LRRFIP2: variants seen among roughly 807,000 people sequenced by gnomAD.
LRRFIP2 encodes the protein LRR binding FLII interacting protein 2, also known as leucine-rich repeat flightless-interacting protein 2.
Under a neutral mutation model 125.9 loss-of-function variants are expected in LRRFIP2, and 109 were observed. That is an observed-to-expected ratio of 0.87 (90% CI 0.74 to 1.01). LRRFIP2 has a LOEUF of 1.01. LRRFIP2 is among the 50% of genes least tolerant of loss of function. The pLI is 0.00. For synonymous variants in LRRFIP2, 291 were observed against 293.1 expected (o/e 0.99, Z 0.07); for missense variants, 850 against 862.3 (o/e 0.99, Z 0.18).
At chr3:37,124,572 T>C (rs2095201395) in intron 4 of LRRFIP2, among the ~76,000 whole-genome samples, 1 of 152,188 alleles carries the variant, frequency 6.6e-6, no homozygotes, top group South Asian at 2.1e-4. Flanking sequence ...TTAGAGATCA[T>C]CTAGTCTGAC....
At chr3:37,073,692 C>T (rs1344167350) in intron 20 of LRRFIP2, among the ~76,000 whole-genome samples, 1 of 152,080 alleles carries the variant, frequency 6.6e-6, no homozygotes, top group East Asian at 1.9e-4. Flanking sequence ...ATACCTAGCA[C>T]CCTAAGCTTT....
intron 24 of LRRFIP2, among the ~76,000 whole-genome samples, 190 bp from the exon 25 acceptor site, chr3:37,059,100 C>T (rs9872552): frequency 0.013 from 1,905 of 152,268 alleles, 43 homozygotes; most frequent in African/African-American, 0.043. Context: ...TACGAACAAA[C>T]ATCGAAAAGA....
chr3:37,104,484 C>A (rs573282345), intron 14 of LRRFIP2, among the ~76,000 whole-genome samples: 93 of 152,264 alleles, frequency 6.1e-4, no homozygotes, highest in African/African-American at 2.1e-3. Context: ...TGTATGGTAA[C>A]AAATCTCTCC....
chr3:37,136,795 C>A (rs909082198), intron 2 of LRRFIP2, among the ~76,000 whole-genome samples: 2 of 152,052 alleles, frequency 1.3e-5, no homozygotes, highest in African/African-American at 4.8e-5. Flanking sequence ...GATCCAATTA[C>A]AACTGTACTA....
intron 1 of LRRFIP2, among the ~76,000 whole-genome samples, chr3:37,155,984 C>T (rs1053301437): frequency 6.6e-6 from 1 of 152,136 alleles, no homozygotes; most frequent in Non-Finnish European, 1.5e-5. Flanking sequence ...AGGCGATTCT[C>T]CTGCCTCAGC....
intron 6 of LRRFIP2, among the ~76,000 whole-genome samples, chr3:37,120,702 A>G (rs1034578553): frequency 3.9e-5 from 6 of 152,150 alleles, no homozygotes; most frequent in African/African-American, 1.2e-4. Context: ...ATGAAAGATC[A>G]TTTTACTGAT....
intron 19 of LRRFIP2, among the ~76,000 whole-genome samples, chr3:37,081,062 T>A (rs921037182): frequency 1.3e-5 from 2 of 152,094 alleles, no homozygotes; most frequent in African/African-American, 4.8e-5. Context: ...AGAAGGAGGA[T>A]TGGGCAATAC....
At chr3:37,061,109 A>G (rs1481414579) in intron 24 of LRRFIP2, among the ~76,000 whole-genome samples, 1 of 151,824 alleles carries the variant, frequency 6.6e-6, no homozygotes, top group East Asian at 1.9e-4. Flanking sequence ...AGTGTATGTT[A>G]CCTCCCCACT....
intron 1 of LRRFIP2, among the ~76,000 whole-genome samples, chr3:37,171,685 TA>T: frequency 6.6e-6 from 1 of 152,226 alleles, no homozygotes; most frequent in Non-Finnish European, 1.5e-5. Context: ...AGGTTTATTT[TA>T]TTATGTATAG....
chr3:37,104,400 T>G lies in LRRFIP2; in HGVS notation c.783+1055A>C, dbSNP rs1169988593. ...GTTTTTAGGTGTTGTGGCATATTAT[T>G]TCTCCTTCAGTTGTGAGCGTGAGCA... On this transcript the variant is annotated intron_variant, in intron 14 of 27. Coordinates refer to ENST00000336686, the MANE Select transcript of LRRFIP2 (RefSeq NM_006309.4). 2.0e-5 allele frequency among the ~76,000 whole-genome samples: 3 copies of G among 152,190 alleles called. No individual in the cohort carries two copies. In the South Asian group the frequency reaches 6.2e-4, roughly 32 times the overall value.
chr3:37,136,890 G>A (rs1167253080), intron 2 of LRRFIP2, among the ~76,000 whole-genome samples: 5 of 141,220 alleles, frequency 3.5e-5, no homozygotes, highest in African/African-American at 1.3e-4. Context: ...AAACTATTCA[G>A]ATAATATATC....
At chr3:37,162,155 CAAAAAAAAAAA>C (rs71091697) in intron 1 of LRRFIP2, among the ~76,000 whole-genome samples, 1 of 74,006 alleles carries the variant, frequency 1.4e-5, no homozygotes, top group Non-Finnish European at 2.4e-5. Context: ...GACCCTGTCT[CAAAAAAAAAAA>C]AAAAAAAAAA....
intron 18 of LRRFIP2, 53 bp downstream of exon 18, chr3:37,091,414 G>GCCAA: frequency 6.9e-7 from 1 of 1,454,254 alleles, no homozygotes; most frequent in Non-Finnish European, 9.4e-7. Context: ...AGCCACCATT[G>GCCAA]CCAACACTTC....
At position 37,060,660 on chromosome 3, in the gene LRRFIP2, G is replaced by C. The variant is rs2088363656; in HGVS notation, c.1750-1750C>G. On this transcript the variant is annotated intron_variant, in intron 24 of 27. Transcript: ENST00000336686. The surrounding 1 kb of genome is among the most constrained non-coding windows in gnomAD (Gnocchi z 4.1). ...CACTGAATCTAGAAATGGAATAGGT[G>C]TCCTCTTGCTTTCCTTGCTGGTATT... 6.6e-6 allele frequency among the ~76,000 whole-genome samples: 1 copy of C among 151,650 alleles called. No individual in the cohort carries two copies. The highest frequency in any genetic ancestry group is 1.5e-5 in the Non-Finnish European group (1 of 67,920).
At chr3:37,056,909 T>C (rs895842605) in intron 25 of LRRFIP2, among the ~76,000 whole-genome samples, 5 of 152,206 alleles carry the variant, frequency 3.3e-5, no homozygotes, top group African/African-American at 1.2e-4. Flanking sequence ...TTCTTCCTTC[T>C]CACTCTCCAA....
chr3:37,061,136 C>G (rs534772915), intron 24 of LRRFIP2, among the ~76,000 whole-genome samples: 87 of 152,264 alleles, frequency 5.7e-4, no homozygotes, highest in African/African-American at 2.0e-3. Context: ...GGCTTCCGCT[C>G]GAGATATGAC....
chr3:37,131,039 T>A (rs988722188), intron 2 of LRRFIP2, among the ~76,000 whole-genome samples: 1 of 152,178 alleles, frequency 6.6e-6, no homozygotes. Context: ...GCATTACATT[T>A]GTAGGTGGAA....
At chr3:37,091,979 A>C (rs1466478494) in intron 17 of LRRFIP2, among the ~76,000 whole-genome samples, 4 of 152,182 alleles carry the variant, frequency 2.6e-5, no homozygotes, top group African/African-American at 9.7e-5. Flanking sequence ...TTCATGCAAA[A>C]GTTTTTTAAA....
At chr3:37,095,495 C>T (rs1238708012) in intron 16 of LRRFIP2, among the ~76,000 whole-genome samples, 3 of 152,094 alleles carry the variant, frequency 2.0e-5, no homozygotes, top group East Asian at 1.9e-4. Flanking sequence ...AATATACTTG[C>T]GATTAGCCAC....
Sources: allele counts gnomAD v4.1 joint callset (sites outside exome capture counted in the v4.1 genomes callset), GRCh38; gene constraint gnomAD v4.1.1; non-coding constraint Gnocchi (gnomAD v3.1); transcripts MANE v1.5; gene names NCBI Gene and HGNC (gene_info 2026-07-23, HGNC 2026-07-21).